PTGS2: variants seen among roughly 807,000 people sequenced by gnomAD.
PTGS2 encodes the protein prostaglandin-endoperoxide synthase 2.
PTGS2 carries 14 observed loss-of-function variants against 63.8 expected under a neutral mutation model. That is an observed-to-expected ratio of 0.22 (90% CI 0.14 to 0.34). PTGS2 has a LOEUF of 0.34. PTGS2 is among the 10% of genes least tolerant of loss of function. PTGS2 has a pLI of 1.00. For missense variants in PTGS2, 533 were observed against 738.5 expected (o/e 0.72, Z 3.23); for synonymous variants, 271 against 259.5 (o/e 1.04, Z -0.43).
At chr1:186,675,464 C>G in intron 8 of PTGS2, 68 bp from the exon 9 acceptor site, 2 of 1,554,892 alleles carry the variant, frequency 1.3e-6, no homozygotes, top group Non-Finnish European at 1.7e-6. Flanking sequence ...TTCAGCTTGC[C>G]TTAGGTACAA....
chr1:186,680,321 T>C lies in PTGS2; in HGVS notation c.-31A>G. Reference sequence around the variant, plus strand: ...CGGCGGGCAGGGCGCGGCGCGGGGGTAGGCTTTGCTGTCTGAGGGCGTCTG... The same window carrying C: ...CGGCGGGCAGGGCGCGGCGCGGGGGCAGGCTTTGCTGTCTGAGGGCGTCTG... On this transcript the variant is annotated 5_prime_UTR_variant, in exon 1 of 10. Coordinates refer to ENST00000367468, the MANE Select transcript of PTGS2 (RefSeq NM_000963.4). 1 of 1,516,414 alleles carries C rather than the reference T, an allele frequency of 6.6e-7. No individual in the cohort carries two copies. The highest frequency in any genetic ancestry group is 2.2e-4 in the Middle Eastern group (1 of 4,626). The allele number at this position is 1,516,414 out of a possible 1,614,324, so 93.9% of individuals were successfully genotyped here.
In PTGS2 at chr1:186,677,638, C is replaced by A; in HGVS notation, c.639+11G>T. ...AATTTTACTAACTCTAAGATATTAA[C>A]TCTATCTTACCCCATGGCCCAGCCC... is the stretch of plus-strand genomic sequence containing the variant. On this transcript the variant is annotated intron_variant, in intron 5 of 9. Transcript: ENST00000367468. The A allele has an allele frequency of 6.3e-7, 1 of 1,587,356 alleles. No individual in the cohort carries two copies. Among genetic ancestry groups the A allele is most frequent in the Non-Finnish European group, 8.6e-7 (1 of 1,167,614 alleles).
In PTGS2 at chr1:186,672,539, C is replaced by A. The variant is rs1290787849; in HGVS notation, c.*1814G>T. On this transcript the variant is annotated 3_prime_UTR_variant, in exon 10 of 10. Transcript: ENST00000367468. ...ACAAAAAAAAATCAATGATTGTAGG[C>A]TTAAACACAGTTTATAACCATAGTG... 6.6e-6 allele frequency: 1 copy of A among 152,414 alleles called. No homozygotes were observed. The highest frequency in any genetic ancestry group is 1.5e-5 in the Non-Finnish European group (1 of 67,966). 9.4% of individuals were successfully genotyped at this position (152,414 alleles called of 1,614,324 possible).
intron 3 of PTGS2, 118 bp downstream of exon 3, chr1:186,678,940 G>C: frequency 1.6e-6 from 2 of 1,272,770 alleles, no homozygotes; most frequent in South Asian, 1.6e-5. Context: ...AAACTTAAAA[G>C]CTATCTTAAA....
chr1:186,675,888 T>TAA lies in PTGS2; in HGVS notation c.1257+8_1257+9dup. 6.2e-7 allele frequency: 1 copy of TAA among 1,601,132 alleles called. No homozygotes were observed. Among genetic ancestry groups the TAA allele is most frequent in the Non-Finnish European group, 8.5e-7 (1 of 1,171,838 alleles). On this transcript the variant is annotated intron_variant, in intron 8 of 9. Coordinates refer to ENST00000367468, the MANE Select transcript of PTGS2 (RefSeq NM_000963.4). ...AGTCTTTTGTTTTGGTTTTCAATAA[T>TAA]AATGCTTACCCTGCCAGCAATTTGC...
intron 7 of PTGS2, 37 bp downstream of exon 7, chr1:186,676,430 G>A: frequency 6.3e-7 from 1 of 1,598,954 alleles, no homozygotes; most frequent in South Asian, 1.1e-5. Flanking sequence ...ATTTTCCCTG[G>A]GGAAGAGGGT....
Position 186,676,830 on chromosome 1 carries a change from T to C in PTGS2, c.723+3A>G. 2 of 1,609,470 alleles carry C rather than the reference T, an allele frequency of 1.2e-6. No homozygotes were observed. Among genetic ancestry groups the C allele is most frequent in the Non-Finnish European group, 1.7e-6 (2 of 1,178,122 alleles). On this transcript the variant is annotated splice_donor_region_variant and intron_variant, in intron 6 of 9. Transcript: ENST00000367468. ...TAAGTCTTAATAGTCAAAGGAAGCATACCTGATATTTCATTTTTCCATCCT... is the reference window on the plus strand; with the variant it reads ...TAAGTCTTAATAGTCAAAGGAAGCACACCTGATATTTCATTTTTCCATCCT...
At position 186,675,315 on chromosome 1, in the gene PTGS2, G is replaced by T; in HGVS notation, c.1339C>A (p.Gln447Lys). Reference protein sequence around the residue: ...SIDQSRQMKYQSFNEYRKRFM... With the variant: ...SIDQSRQMKYKSFNEYRKRFM... ...CGTTTGCGGTACTCATTAAAAGACTGGTATTTCATCTGCCTGCTCTGGTCA... is the reference window on the plus strand; with the variant it reads ...CGTTTGCGGTACTCATTAAAAGACTTGTATTTCATCTGCCTGCTCTGGTCA... Residue 447 changes from glutamine (Q) to lysine (K), a missense_variant, in exon 9 of 10, where the codon CAG (glutamine) becomes AAG (lysine). By Grantham distance (53) the Gln-to-Lys change is moderately conservative (BLOSUM62 1). Transcript: ENST00000367468. 6.2e-7 allele frequency: 1 copy of T among 1,614,150 alleles called. No homozygotes were observed. The highest frequency in any genetic ancestry group is 1.6e-4 in the Middle Eastern group (1 of 6,062).
At position 186,678,322 on chromosome 1, in the gene PTGS2, G is replaced by A. The variant is rs4648264; in HGVS notation, c.396C>T (p.Ser132=). ...YKSWEAFSNL[S]YYTRALPPVP... is the part of the protein sequence containing the mutation. ...CAGGAGGAAGGGCTCTAGTATAATA[G>A]GAGAGGTTAGAGAAGGCTTCCCAGC... is the stretch of plus-strand genomic sequence containing the variant. The change falls in exon 4 of 10, where the codon TCC becomes TCT. Residue 132 remains serine, a synonymous_variant. Coordinates refer to ENST00000367468, the MANE Select transcript of PTGS2 (RefSeq NM_000963.4). 2.8e-4 allele frequency: 456 copies of A among 1,613,560 alleles called. 4 individuals carry two copies. In the East Asian group the frequency reaches 9.8e-3, roughly 35 times the overall value.
rs571973615 is a variant in PTGS2 at position 186,676,286 on chromosome 1, GT to G, written c.971-103del. The G allele has an allele frequency of 3.5e-3, 4,900 of 1,382,448 alleles. 16 individuals carry two copies. The highest frequency in any genetic ancestry group is 5.4e-3 in the Admixed American group (220 of 40,450). 85.6% of individuals were successfully genotyped at this position (1,382,448 alleles called of 1,614,324 possible). On this transcript the variant is annotated intron_variant, in intron 7 of 9. Coordinates refer to ENST00000367468, the MANE Select transcript of PTGS2 (RefSeq NM_000963.4). Reference sequence around the variant, plus strand: ...TAAAATTTGCTATTCCTTCATTTCTGTTTTCTTCCTTGTCAGTATCAAAAGA... The same window carrying G: ...TAAAATTTGCTATTCCTTCATTTCTGTTTCTTCCTTGTCAGTATCAAAAGA...
chr1:186,678,207 G>A (rs1247672659), intron 4 of PTGS2, 54 bp downstream of exon 4: 11 of 1,463,836 alleles, frequency 7.5e-6, no homozygotes, highest in Non-Finnish European at 1.0e-5. Context: ...TTTTTTGGCA[G>A]CAATGCAGCC....
Position 186,675,500 on chromosome 1 carries a change from G to A in PTGS2, c.1258-104C>T, listed in dbSNP as rs4648278. ...ATCAGGTAAAACTGAAACTCCCAGC[G>A]GAGACAATTTTTATTTGCTGGAAAG... On this transcript the variant is annotated intron_variant, in intron 8 of 9. Transcript: ENST00000367468. 1.5e-3 allele frequency: 1,952 copies of A among 1,316,858 alleles called. 27 individuals carry two copies. In the African/African-American group the frequency reaches 0.026, roughly 17 times the overall value. The allele number at this position is 1,316,858 out of a possible 1,614,324, so 81.6% of individuals were successfully genotyped here. A position where few individuals can be genotyped will look rare whatever the true frequency, so the allele number is the denominator to read the frequency against.
chr1:186,674,410 G>A lies in PTGS2; in HGVS notation c.1758C>T (p.Ser586=), dbSNP rs747184192. 1.1e-5 allele frequency: 17 copies of A among 1,613,778 alleles called. No individual in the cohort carries two copies. Among genetic ancestry groups the A allele is most frequent in the East Asian group, 4.5e-5 (2 of 44,900 alleles). The change falls in exon 10 of 10, where the codon TCC becomes TCT. Residue 586 remains serine, a synonymous_variant. Transcript: ENST00000367468. ...CTGTGGGATTGATATCATCTAGTCCGGAGCGGGAAGAACTTGCATTGATGG... is the reference window on the plus strand; with the variant it reads ...CTGTGGGATTGATATCATCTAGTCCAGAGCGGGAAGAACTTGCATTGATGG... ...TVTINASSSR[S]GLDDINPTVL...
In PTGS2 at chr1:186,675,640, T is replaced by G. The variant is rs569782335; in HGVS notation, c.1258-244A>C. On this transcript the variant is annotated intron_variant, in intron 8 of 9. Transcript: ENST00000367468. The stretch of plus-strand genomic sequence containing the variant: ...ACACTAGTATTCAAGCCTAAAATAT[T>G]TATTCCTATAAGATTATAGATACTT... 5.0e-5 allele frequency: 31 copies of G among 620,770 alleles called. No individual in the cohort carries two copies. In the African/African-American group the frequency reaches 5.4e-4, roughly 11 times the overall value. 38.5% of individuals were successfully genotyped at this position (620,770 alleles called of 1,614,324 possible).
intron 3 of PTGS2, 83 bp downstream of exon 3, chr1:186,678,975 T>C (rs920448588): frequency 8.2e-6 from 12 of 1,456,780 alleles, no homozygotes; most frequent in Non-Finnish European, 1.0e-5. Flanking sequence ...CTTGGAAATA[T>C]GTTTTTAGAT....
intron 3 of PTGS2, among the ~76,000 whole-genome samples, chr1:186,678,670 A>T (rs1267040592): frequency 2.6e-5 from 4 of 152,212 alleles, no homozygotes; most frequent in Non-Finnish European, 5.9e-5. Flanking sequence ...AGGCCTATGA[A>T]AGGAATGGCT....
In PTGS2 at chr1:186,678,395, T is replaced by A; in HGVS notation, c.323A>T (p.His108Leu). The A allele has an allele frequency of 1.9e-6, 3 of 1,596,742 alleles. No individual in the cohort carries two copies. Among genetic ancestry groups the A allele is most frequent in the Non-Finnish European group, 2.6e-6 (3 of 1,172,656 alleles). ...GTAAGTTGGTGGACTGTCAATCAAATGTGATCTGGCTGAAATTTTCAAAGA... is the reference window on the plus strand; with the variant it reads ...GTAAGTTGGTGGACTGTCAATCAAAAGTGATCTGGCTGAAATTTTCAAAGA... ...IMSYVLTSRSHLIDSPPTYNA... is the reference protein window; with the variant it reads ...IMSYVLTSRSLLIDSPPTYNA... The change falls in exon 4 of 10, where the codon CAT becomes CTT. Residue 108 changes from histidine to leucine, a missense_variant. This residue lies in a region of PTGS2 where 118 missense variants were observed against 144.6 expected (regional missense o/e 0.82). Coordinates refer to ENST00000367468, the MANE Select transcript of PTGS2 (RefSeq NM_000963.4).
At position 186,675,970 on chromosome 1, in the gene PTGS2, G is replaced by A. The variant is rs1558247881; in HGVS notation, c.1185C>T (p.Tyr395=). 3.7e-6 allele frequency: 6 copies of A among 1,613,958 alleles called. No homozygotes were observed. Among genetic ancestry groups the A allele is most frequent in the Non-Finnish European group, 5.1e-6 (6 of 1,179,878 alleles). The change falls in exon 8 of 10, where the codon TAC becomes TAT. Residue 395 remains tyrosine, a synonymous_variant. Transcript: ENST00000367468. ...DQKYNYQQFI[Y]NNSILLEHGI... Reference sequence around the variant, plus strand: ...CATGTTCCAGCAATATAGAGTTGTTGTAGATAAACTGTTGATAGTTGTATT... The same window carrying A: ...CATGTTCCAGCAATATAGAGTTGTTATAGATAAACTGTTGATAGTTGTATT...
rs1665722176 is a variant in PTGS2 at position 186,673,322 on chromosome 1, C to T, written c.*1031G>A. 6.6e-6 allele frequency: 1 copy of T among 152,160 alleles called. No homozygotes were observed. The highest frequency in any genetic ancestry group is 1.5e-5 in the Non-Finnish European group (1 of 68,012). The allele number at this position is 152,160 out of a possible 1,614,324, so 9.4% of individuals were successfully genotyped here. A position where few individuals can be genotyped will look rare whatever the true frequency, so the allele number is the denominator to read the frequency against. On this transcript the variant is annotated 3_prime_UTR_variant, in exon 10 of 10. Coordinates refer to ENST00000367468, the MANE Select transcript of PTGS2 (RefSeq NM_000963.4). The stretch of plus-strand genomic sequence containing the variant: ...ATTATTCAAGCACAGCTTGGTACTT[C>T]ATTAACCTCATAGCAAAATCTGAGT...
Sources: gnomAD v4.1 joint callset for allele counts (sites outside exome capture counted in the v4.1 genomes callset) on GRCh38, gnomAD v4.1.1 for gene constraint, gnomAD v4.1.1 regional missense constraint, MANE v1.5 for transcripts, NCBI Gene and HGNC (gene_info 2026-07-23, HGNC 2026-07-21) for gene names.